SPAG16: variants seen among roughly 807,000 people sequenced by gnomAD.
SPAG16 encodes sperm-associated antigen 16 protein.
In SPAG16, 86 loss-of-function variants were observed where a neutral mutation model predicts 80.4. The ratio of observed to expected loss-of-function variants is 1.07; its 90% confidence interval spans 0.90 to 1.28. The LOEUF (loss-of-function observed/expected upper bound fraction) is 1.28, where lower values mean the gene tolerates loss of function less well. Among genes scored for constraint, SPAG16 ranks in the 50% most tolerant of loss-of-function variants. SPAG16 has a pLI of 0.00. For synonymous variants in SPAG16, 294 were observed against 265.9 expected, an observed-to-expected ratio of 1.11 and a Z score of -1.03; for missense variants, 870 against 765.3, an observed-to-expected ratio of 1.14 and a Z score of -1.61.
chr2:213,960,480 C>T (rs1307552244), intron 12 of SPAG16, among the ~76,000 whole-genome samples: 1 of 152,096 alleles, frequency 6.6e-6, no homozygotes, highest in East Asian at 1.9e-4. Flanking sequence ...ATAGTTGAAT[C>T]TAATAATGTG....
At chr2:213,754,865 G>A (rs2068249306) in intron 10 of SPAG16, among the ~76,000 whole-genome samples, 1 of 152,166 alleles carries the variant, frequency 6.6e-6, no homozygotes, top group South Asian at 2.1e-4. Flanking sequence ...CTTTCCGAAG[G>A]CAACTTATTA....
chr2:214,276,804 G>A (rs868711714), intron 15 of SPAG16, among the ~76,000 whole-genome samples: 2 of 152,098 alleles, frequency 1.3e-5, no homozygotes, highest in Non-Finnish European at 2.9e-5. Flanking sequence ...TCTTTGTGGT[G>A]TTCTCTTTAT....
intron 15 of SPAG16, among the ~76,000 whole-genome samples, chr2:214,270,390 A>G (rs1691903089): frequency 6.6e-6 from 1 of 152,194 alleles, no homozygotes; most frequent in Non-Finnish European, 1.5e-5. Flanking sequence ...GAGAAGGTGT[A>G]ATTTAAACCT....
intron 10 of SPAG16, among the ~76,000 whole-genome samples, chr2:213,743,417 T>C (rs958940725): frequency 6.6e-6 from 1 of 152,238 alleles, no homozygotes; most frequent in African/African-American, 2.4e-5. Context: ...AACTTCCTTC[T>C]GTCCAAAGTA....
chr2:214,406,386 C>A (rs2126155603), intron 15 of SPAG16, among the ~76,000 whole-genome samples: 1 of 152,194 alleles, frequency 6.6e-6, no homozygotes, highest in South Asian at 2.1e-4. Context: ...CCAAACTATG[C>A]TAGTTTATAT....
chr2:213,501,838 C>T (rs905491074), intron 10 of SPAG16, among the ~76,000 whole-genome samples: 4 of 152,006 alleles, frequency 2.6e-5, no homozygotes, highest in Non-Finnish European at 4.4e-5. Context: ...GTAATTTTAT[C>T]GATTTTAATC....
chr2:213,510,741 A>G (rs1225430208), intron 10 of SPAG16, among the ~76,000 whole-genome samples: 1 of 152,184 alleles, frequency 6.6e-6, no homozygotes, highest in African/African-American at 2.4e-5. Flanking sequence ...TGAAACATCA[A>G]CTTTACTGAA....
At chr2:213,832,209 G>T (rs1390173410) in intron 10 of SPAG16, among the ~76,000 whole-genome samples, 2 of 151,748 alleles carry the variant, frequency 1.3e-5, no homozygotes, top group Non-Finnish European at 2.9e-5. Context: ...TCTTGGCCAG[G>T]CTGATCTTGA....
chr2:213,372,481 TTTAA>T (rs1462016091), intron 8 of SPAG16, among the ~76,000 whole-genome samples: 11 of 152,124 alleles, frequency 7.2e-5, no homozygotes, highest in African/African-American at 9.6e-5. Flanking sequence ...TTTCTTATAG[TTTAA>T]TTAATTGCTG....
intron 12 of SPAG16, among the ~76,000 whole-genome samples, chr2:213,942,201 G>A (rs79956388): frequency 2.0e-5 from 3 of 151,986 alleles, no homozygotes; most frequent in African/African-American, 7.3e-5. Flanking sequence ...TGCCTGCTTT[G>A]CCTACATCTG....
chr2:214,177,909 A>C (rs947488090), intron 15 of SPAG16, among the ~76,000 whole-genome samples: 1 of 78,908 alleles, frequency 1.3e-5, no homozygotes, highest in African/African-American at 8.8e-5. Context: ...ACATATATAT[A>C]TATATACATA....
intron 15 of SPAG16, among the ~76,000 whole-genome samples, chr2:214,225,424 C>A (rs2058678043): frequency 1.3e-5 from 2 of 152,034 alleles, no homozygotes; most frequent in African/African-American, 4.8e-5. Flanking sequence ...ATGCTTGGAT[C>A]AGAGTGAAAG....
intron 10 of SPAG16, among the ~76,000 whole-genome samples, chr2:213,549,270 TTC>T (rs770196417): frequency 2.5e-4 from 38 of 152,102 alleles, no homozygotes; most frequent in African/African-American, 4.6e-4. Context: ...TTTAAAAATT[TTC>T]TCTTATATTA....
rs564428883 is a variant in SPAG16, at chr2:213,993,759, T to C, written c.1401-20192T>C. ...TTCTGTATTGAAATACTGGTAGTTT[T>C]AAATTCTTGACATGAATAACTGGAT... On this transcript the variant is annotated intron_variant, in intron 12 of 15. Transcript: ENST00000331683. 2.0e-5 allele frequency among the ~76,000 whole-genome samples: 3 copies of C among 152,356 alleles called. No homozygotes were observed. The South Asian group carries it at 6.2e-4, about 32-fold the overall frequency.
chr2:213,290,521 T>A (rs1371746014), intron 1 of SPAG16, among the ~76,000 whole-genome samples: 1 of 152,070 alleles, frequency 6.6e-6, no homozygotes, highest in African/African-American at 2.4e-5. Context: ...AGAAAAAAAT[T>A]TTGGAACTGA....
chr2:214,354,070 A>G (rs1203853166), intron 15 of SPAG16, among the ~76,000 whole-genome samples: 1 of 152,104 alleles, frequency 6.6e-6, no homozygotes, highest in African/African-American at 2.4e-5. Context: ...CTGTATCAAA[A>G]CATGTACCCC....
intron 13 of SPAG16, among the ~76,000 whole-genome samples, chr2:214,034,077 G>A (rs539422571): frequency 3.5e-4 from 53 of 152,302 alleles, no homozygotes; most frequent in Middle Eastern, 3.4e-3. Context: ...GTACAGGCCA[G>A]CTATTTATAG....
chr2:214,054,101 C>G (rs555160131), intron 13 of SPAG16, among the ~76,000 whole-genome samples: 1 of 152,066 alleles, frequency 6.6e-6, no homozygotes, highest in Non-Finnish European at 1.5e-5. Context: ...CCTCCGCCTC[C>G]CGGGTTCAAG....
At position 213,464,042 on chromosome 2, in the gene SPAG16, G is replaced by C. The variant is rs188959356; in HGVS notation, c.943-25921G>C. Among the ~76,000 whole-genome samples, 479 of 152,318 alleles carry C rather than the reference G, an allele frequency of 3.1e-3. 1 individual carries two copies. Among genetic ancestry groups the C allele is most frequent in the Non-Finnish European group, 5.6e-3 (382 of 68,040 alleles). On this transcript the variant is annotated intron_variant, in intron 9 of 15. Coordinates refer to ENST00000331683, the MANE Select transcript of SPAG16 (RefSeq NM_024532.5). The stretch of plus-strand genomic sequence containing the variant: ...TACTAAGTCCCCTGGTTGAATAAAG[G>C]TGGCCTTGGTTCATGGGTTTGGGCC...
Sources: gnomAD v4.1 joint callset for allele counts (sites outside exome capture counted in the v4.1 genomes callset) on GRCh38, gnomAD v4.1.1 for gene constraint, MANE v1.5 for transcripts, NCBI Gene and HGNC (gene_info 2026-07-23, HGNC 2026-07-21) for gene names.